Variants in SLC9C1 observed in about 807,000 individuals in gnomAD.
SLC9C1 encodes solute carrier family 9 member C1.
In SLC9C1, 97 loss-of-function variants were observed where a neutral mutation model predicts 140.9. The ratio of observed to expected loss-of-function variants is 0.69; its 90% CI spans 0.58 to 0.82. The LOEUF is 0.82. Among genes scored for constraint, SLC9C1 ranks in the 40% least tolerant of loss-of-function variants. The pLI is 0.00. For synonymous variants in SLC9C1, 440 were observed against 442.6 expected (o/e 0.99, Z 0.07); for missense variants, 1,340 against 1,389.3 (o/e 0.96, Z 0.56).
At chr3:112,192,119 T>G (rs545621563) in intron 20 of SLC9C1, among the ~76,000 whole-genome samples, 1 of 152,196 alleles carries the variant, frequency 6.6e-6, no homozygotes, top group Admixed American at 6.5e-5. Flanking sequence ...TTATTTTAAC[T>G]ATTTTAAATG....
intron 19 of SLC9C1, 149 bp from the exon 20 acceptor site, chr3:112,199,618 C>A: frequency 1.8e-6 from 1 of 543,300 alleles, no homozygotes; most frequent in Non-Finnish European, 3.0e-6. Flanking sequence ...CCACTATGAT[C>A]AATCATAATT....
In SLC9C1 at chr3:112,168,882, G is replaced by A; in HGVS notation, c.3232C>T (p.His1078Tyr). ...AGGAATCAATATTTCTTTACCTGAT[G>A]GCATGTTATAGGAATTAAGAAAGGT... The part of the protein sequence containing the change: ...RAPFLIPITC[H>Y]QIQSIEDFTK... The change falls in exon 25 of 29, where the codon CAT (histidine) becomes TAT (tyrosine). Residue 1078 changes from histidine (H) to tyrosine (Y), a missense_variant. Transcript: ENST00000305815. 1 of 1,581,778 alleles carries A rather than the reference G, an allele frequency of 6.3e-7. No individual in the cohort carries two copies. The highest frequency in any genetic ancestry group is 1.7e-4 in the Middle Eastern group (1 of 5,886).
At chr3:112,161,512 A>G (rs1315651985) in intron 26 of SLC9C1, among the ~76,000 whole-genome samples, 2 of 152,192 alleles carry the variant, frequency 1.3e-5, no homozygotes. Context: ...TCCCAGCACC[A>G]TTTATTAAAT....
intron 28 of SLC9C1, among the ~76,000 whole-genome samples, chr3:112,142,804 G>A (rs2074670724): frequency 1.3e-5 from 2 of 152,042 alleles, no homozygotes; most frequent in Admixed American, 1.3e-4. Flanking sequence ...GCGTGATGCT[G>A]GGCTTAGGAT....
At chr3:112,183,346 TTTC>T (rs1354559606) in intron 20 of SLC9C1, among the ~76,000 whole-genome samples, 3 of 87,964 alleles carry the variant, frequency 3.4e-5, no homozygotes, top group Admixed American at 1.4e-4. Flanking sequence ...TTTAGCACCT[TTTC>T]TTTTTTTTTT....
intron 12 of SLC9C1, among the ~76,000 whole-genome samples, chr3:112,236,433 T>C (rs146002518): frequency 1.3e-5 from 2 of 152,238 alleles, no homozygotes; most frequent in South Asian, 2.1e-4. Flanking sequence ...CCTGGATTCA[T>C]TGATTTTTTG....
intron 9 of SLC9C1, 61 bp from the exon 10 acceptor site, chr3:112,263,159 G>C (rs569750069): frequency 7.1e-7 from 1 of 1,409,116 alleles, no homozygotes. Context: ...TCCATTTCAT[G>C]CTACTCTATT....
At chr3:112,219,970 T>C (rs1317321466) in intron 14 of SLC9C1, among the ~76,000 whole-genome samples, 1 of 152,212 alleles carries the variant, frequency 6.6e-6, no homozygotes, top group Non-Finnish European at 1.5e-5. Flanking sequence ...TGTGCACCTT[T>C]CTTCTTTAAA....
chr3:112,228,471 G>A (rs1400683398), intron 13 of SLC9C1, among the ~76,000 whole-genome samples: 1 of 151,922 alleles, frequency 6.6e-6, no homozygotes, highest in Admixed American at 6.6e-5. Context: ...CATTGGACTG[G>A]GCAAGGATTT....
intron 16 of SLC9C1, among the ~76,000 whole-genome samples, chr3:112,206,381 T>A (rs543253177): frequency 2.0e-5 from 3 of 152,022 alleles, no homozygotes; most frequent in East Asian, 1.9e-4. Context: ...ATAGGAACAG[T>A]TTTACACTGT....
At chr3:112,230,174 C>T (rs1280946613) in intron 13 of SLC9C1, among the ~76,000 whole-genome samples, 2 of 152,128 alleles carry the variant, frequency 1.3e-5, no homozygotes, top group East Asian at 1.9e-4. Context: ...CTAGATGTTT[C>T]TCTATCCTGT....
At chr3:112,211,309 T>G (rs1056561095) in intron 15 of SLC9C1, among the ~76,000 whole-genome samples, 1 of 152,152 alleles carries the variant, frequency 6.6e-6, no homozygotes, top group African/African-American at 2.4e-5. Flanking sequence ...ATTTCTGCAT[T>G]TCCAGCTGAG....
At chr3:112,278,375 A>G (rs1449105143) in intron 4 of SLC9C1, among the ~76,000 whole-genome samples, 1 of 152,172 alleles carries the variant, frequency 6.6e-6, no homozygotes, top group Non-Finnish European at 1.5e-5. Flanking sequence ...AGGAAGCTCT[A>G]AAACATAGGT....
chr3:112,194,315 C>T (rs543497502), intron 20 of SLC9C1, among the ~76,000 whole-genome samples: 11 of 152,248 alleles, frequency 7.2e-5, no homozygotes, highest in South Asian at 2.1e-4. Context: ...GGCCAATATG[C>T]GTGGGGGAGA....
At chr3:112,145,853 T>C (rs1357220619) in intron 28 of SLC9C1, among the ~76,000 whole-genome samples, 1 of 152,122 alleles carries the variant, frequency 6.6e-6, no homozygotes, top group African/African-American at 2.4e-5. Context: ...CTCATGATAG[T>C]GAATAAGTCT....
At chr3:112,178,535 A>G (rs75629334) in intron 23 of SLC9C1, among the ~76,000 whole-genome samples, 1 of 152,024 alleles carries the variant, frequency 6.6e-6, no homozygotes, top group Admixed American at 6.5e-5. Context: ...CTGTCAATTA[A>G]CCTGTTTCTC....
intron 18 of SLC9C1, 74 bp downstream of exon 18, chr3:112,202,176 A>T: frequency 6.5e-7 from 1 of 1,537,670 alleles, no homozygotes; most frequent in Non-Finnish European, 8.9e-7. Flanking sequence ...TGCATATATG[A>T]ACAGAAAAAA....
At chr3:112,263,889 T>G (rs943246633) in intron 9 of SLC9C1, among the ~76,000 whole-genome samples, 11 of 151,868 alleles carry the variant, frequency 7.2e-5, no homozygotes, top group Admixed American at 2.0e-4. Context: ...GTTTGTTATA[T>G]AATATTGAGC....
chr3:112,205,143 C>T (rs911703596), intron 16 of SLC9C1, among the ~76,000 whole-genome samples: 2 of 151,916 alleles, frequency 1.3e-5, no homozygotes, highest in African/African-American at 4.8e-5. Flanking sequence ...GATTGTATAT[C>T]TAGAAAACCC....
Sources: allele counts gnomAD v4.1 joint callset (sites outside exome capture counted in the v4.1 genomes callset), GRCh38; gene constraint gnomAD v4.1.1; transcripts MANE v1.5; gene names NCBI Gene and HGNC (gene_info 2026-07-23, HGNC 2026-07-21).